Variants in ZNF600 observed in about 807,000 individuals in gnomAD.
The protein encoded by ZNF600 is zinc finger protein 600.
In ZNF600, 4 loss-of-function variants were observed where a neutral mutation model predicts 7.3. The observed-to-expected ratio is 0.55, with a 90% CI of 0.27 to 1.25. ZNF600 has a LOEUF of 1.25. Among genes scored for constraint, ZNF600 ranks in the 50% most tolerant of loss-of-function variants. The pLI is 0.12. For missense variants in ZNF600, 911 were observed against 922.1 expected, an observed-to-expected ratio of 0.99 and a Z score of 0.16; for synonymous variants, 290 against 308.9, an observed-to-expected ratio of 0.94 and a Z score of 0.64.
At chr19:52,787,011 A>C (rs534919322), upstream of ZNF600, among the ~76,000 whole-genome samples, 17 of 152,268 alleles carry the variant, frequency 1.1e-4, no homozygotes, top group Admixed American at 2.6e-4. Flanking sequence ...CTGGAACGGG[A>C]ATGCAAACTA....
At chr19:52,817,993 G>T in the ZNF600 span, 1 of 1,609,972 alleles carries the variant, frequency 6.2e-7, no homozygotes, top group East Asian at 2.2e-5. Flanking sequence ...CCTCTTCTGG[G>T]TTTCTTCCTC....
chr19:52,803,967 A>G, the ZNF600 span, among the ~76,000 whole-genome samples: 1 of 152,196 alleles, frequency 6.6e-6, no homozygotes. Context: ...AAAAAAATAA[A>G]ATAAGATAAA....
chr19:52,817,847 G>T, the ZNF600 span: 1 of 1,588,108 alleles, frequency 6.3e-7, no homozygotes, highest in Non-Finnish European at 8.6e-7. Flanking sequence ...AAACATATCA[G>T]GCAGGACACT....
the ZNF600 span, among the ~76,000 whole-genome samples, chr19:52,833,427 G>A: frequency 1.3e-5 from 2 of 152,112 alleles, no homozygotes; most frequent in Admixed American, 6.6e-5. Context: ...GCAGGCATGG[G>A]TGAGTGTGAG....
the ZNF600 span, chr19:52,818,004 A>C: frequency 6.2e-7 from 1 of 1,609,798 alleles, no homozygotes; most frequent in East Asian, 2.2e-5. Context: ...TTTCTTCCTC[A>C]CGTACCAAGA....
chr19:52,820,353 A>G, the ZNF600 span, among the ~76,000 whole-genome samples: 4 of 134,778 alleles, frequency 3.0e-5, no homozygotes, highest in South Asian at 2.6e-4. Context: ...TCCTGACCTC[A>G]TGATCCACCC....
chr19:52,832,735 C>A, the ZNF600 span, among the ~76,000 whole-genome samples: 1 of 152,108 alleles, frequency 6.6e-6, no homozygotes, highest in Middle Eastern at 3.2e-3. Flanking sequence ...CCATTGTACT[C>A]CAGAACTAAG....
rs2062697098 is a variant in ZNF600, at chr19:52,778,823, C to T, written c.63+3G>A. ...ATTAATCCACAGAGGAATATCACTT[C>T]ACCTGAGGAAGAGCCATGCCTGGCT... On this transcript the variant is annotated splice_donor_region_variant and intron_variant, in intron 2 of 3. Coordinates refer to ENST00000648973, the Ensembl canonical transcript of ZNF600. 1.9e-6 allele frequency: 3 copies of T among 1,606,262 alleles called. No homozygotes were observed. Among genetic ancestry groups the T allele is most frequent in the Admixed American group, 1.7e-5 (1 of 59,256 alleles).
At chr19:52,771,122 C>CA (rs1199686046) in intron 3 of ZNF600, among the ~76,000 whole-genome samples, 2 of 152,034 alleles carry the variant, frequency 1.3e-5, no homozygotes, top group African/African-American at 4.8e-5. Flanking sequence ...TGTAAGCCAC[C>CA]ACGACTGGCC....
At chr19:52,823,978 G>A in the ZNF600 span, among the ~76,000 whole-genome samples, 2 of 151,976 alleles carry the variant, frequency 1.3e-5, no homozygotes, top group Non-Finnish European at 1.5e-5. Context: ...GAGGTGAATC[G>A]CTTGAGCCCA....
chr19:52,824,847 A>G, the ZNF600 span, among the ~76,000 whole-genome samples: 1 of 152,156 alleles, frequency 6.6e-6, no homozygotes. Context: ...AAGAAATTAT[A>G]CACAAATTTA....
upstream of ZNF600, among the ~76,000 whole-genome samples, chr19:52,789,846 C>T (rs2062786820): frequency 6.6e-6 from 1 of 152,156 alleles, no homozygotes; most frequent in African/African-American, 2.4e-5. Flanking sequence ...CACCTGGGTG[C>T]AGGCGGGCTG....
upstream of ZNF600, among the ~76,000 whole-genome samples, chr19:52,791,756 C>T (rs2062791262): frequency 6.6e-6 from 1 of 152,182 alleles, no homozygotes; most frequent in Non-Finnish European, 1.5e-5. Flanking sequence ...GTATGTTTGA[C>T]CCTGGTCTTC....
the ZNF600 span, among the ~76,000 whole-genome samples, chr19:52,824,861 A>G: frequency 1.3e-5 from 2 of 152,154 alleles, no homozygotes; most frequent in African/African-American, 4.8e-5. Context: ...AAATTTATAA[A>G]ACAGAGACTT....
At chr19:52,777,074 CCAAGT>C (rs1315040354) in intron 2 of ZNF600, among the ~76,000 whole-genome samples, 1 of 152,052 alleles carries the variant, frequency 6.6e-6, no homozygotes, top group Non-Finnish European at 1.5e-5. Context: ...CCACTCCATC[CCAAGT>C]CATTAAAAGT....
chr19:52,768,916 C>G (rs935483712), intron 3 of ZNF600, among the ~76,000 whole-genome samples: 41 of 152,086 alleles, frequency 2.7e-4, no homozygotes, highest in Non-Finnish European at 7.4e-5. Flanking sequence ...TTATAATAAT[C>G]CTCGCTCTAT....
chr19:52,824,933 C>T, the ZNF600 span, among the ~76,000 whole-genome samples: 1 of 152,060 alleles, frequency 6.6e-6, no homozygotes, highest in African/African-American at 2.4e-5. Flanking sequence ...CATGTTTCTA[C>T]CAAAAATACA....
the ZNF600 span, among the ~76,000 whole-genome samples, chr19:52,804,489 A>T: frequency 6.6e-6 from 1 of 151,244 alleles, no homozygotes; most frequent in African/African-American, 2.4e-5. Flanking sequence ...TCCTGCCTCA[A>T]CCTCCCAAGT....
At chr19:52,819,066 T>C in the ZNF600 span, among the ~76,000 whole-genome samples, 1 of 140,512 alleles carries the variant, frequency 7.1e-6, no homozygotes, top group African/African-American at 2.8e-5. Context: ...TTTAGAAACA[T>C]TGAATAAGAA....
Sources: allele counts gnomAD v4.1 joint callset (sites outside exome capture counted in the v4.1 genomes callset), GRCh38; gene constraint gnomAD v4.1.1; transcripts MANE v1.5; gene names NCBI Gene and HGNC (gene_info 2026-07-23, HGNC 2026-07-21).